The following UBXN4 variants were observed in gnomAD, a reference collection of about 807,000 sequenced individuals.
UBXN4 encodes the protein UBX domain protein 4.
Under a neutral mutation model 66.2 loss-of-function variants are expected in UBXN4, and 35 were observed. The ratio of observed to expected loss-of-function variants is 0.53; its 90% confidence interval spans 0.40 to 0.70. The LOEUF is 0.70. Among genes scored for constraint, UBXN4 ranks in the 30% least tolerant of loss-of-function variants. The pLI, the probability that UBXN4 is intolerant of heterozygous loss-of-function variation, is 0.00. For synonymous variants in UBXN4, 203 were observed against 204.5 expected (o/e 0.99, Z 0.06); for missense variants, 533 against 599.8 (o/e 0.89, Z 1.16).
intron 3 of UBXN4, 25 bp downstream of exon 3, chr2:135,753,592 T>C (rs1575315504): frequency 2.0e-6 from 3 of 1,504,862 alleles, no homozygotes; most frequent in Non-Finnish European, 2.7e-6. Flanking sequence ...AAGAATGGCT[T>C]ATATATATAC....
At chr2:135,779,919 AAAT>A (rs2077439629) in intron 11 of UBXN4, among the ~76,000 whole-genome samples, 1 of 147,482 alleles carries the variant, frequency 6.8e-6, no homozygotes, top group African/African-American at 2.5e-5. Flanking sequence ...ATAATATATA[AAAT>A]AATTGTATAC....
intron 6 of UBXN4, 129 bp downstream of exon 6, chr2:135,762,040 A>G: frequency 4.5e-6 from 4 of 897,574 alleles, no homozygotes; most frequent in Middle Eastern, 3.4e-4. Flanking sequence ...ATTTTTGATC[A>G]CCTAACTAAT....
At chr2:135,767,373 T>A (rs1016446767) in intron 6 of UBXN4, among the ~76,000 whole-genome samples, 1 of 151,272 alleles carries the variant, frequency 6.6e-6, no homozygotes. Context: ...AAAAAAAAAA[T>A]GAAAGAAAGA....
chr2:135,745,776 G>A (rs1359302819), intron 1 of UBXN4, among the ~76,000 whole-genome samples: 2 of 150,050 alleles, frequency 1.3e-5, no homozygotes, highest in Non-Finnish European at 3.0e-5. Context: ...CTTGCAAATA[G>A]TAACTTCTCG....
At chr2:135,765,183 T>C (rs1252702149) in intron 6 of UBXN4, among the ~76,000 whole-genome samples, 1 of 152,052 alleles carries the variant, frequency 6.6e-6, no homozygotes, top group Non-Finnish European at 1.5e-5. Flanking sequence ...TTAGTTAAAA[T>C]GCATTATTTT....
At position 135,780,390 on chromosome 2, in the gene UBXN4, CTG is replaced by C. The variant is rs771557635; in HGVS notation, c.1388+13_1388+14del. The C allele has an allele frequency of 6.8e-6, 11 of 1,612,704 alleles. No homozygotes were observed. The highest frequency in any genetic ancestry group is 8.5e-6 in the Non-Finnish European group (10 of 1,178,718). On this transcript the variant is annotated splice_donor_region_variant and intron_variant, in intron 12 of 12. Coordinates refer to ENST00000272638, the MANE Select transcript of UBXN4 (RefSeq NM_014607.4). Reference sequence around the variant, plus strand: ...ATCTAGCAAATCAGAAAAAAGGTATCTGTGTGTGTTTTCCCCATTTATAAAAT... The same window carrying C: ...ATCTAGCAAATCAGAAAAAAGGTATCTGTGTGTTTTCCCCATTTATAAAAT...
chr2:135,752,442 T>G (rs12469551), intron 2 of UBXN4, among the ~76,000 whole-genome samples: 114,971 of 152,144 alleles, frequency 0.76, 43,867 homozygotes, highest in Non-Finnish European at 0.79. Flanking sequence ...ACCTCCCAAA[T>G]TGCTGGGATT....
chr2:135,757,458 G>A (rs1337233483), intron 5 of UBXN4, among the ~76,000 whole-genome samples: 2 of 152,150 alleles, frequency 1.3e-5, no homozygotes, highest in African/African-American at 2.4e-5. Flanking sequence ...CATTTCAAGT[G>A]TATTTCCCTT....
At chr2:135,779,742 T>TA (rs2077437957) in intron 11 of UBXN4, among the ~76,000 whole-genome samples, 1 of 150,944 alleles carries the variant, frequency 6.6e-6, no homozygotes, top group Non-Finnish European at 1.5e-5. Context: ...AACTACTTTC[T>TA]AGTTTGTATA....
chr2:135,778,873 G>A, intron 10 of UBXN4, 75 bp from the exon 11 acceptor site: 1 of 1,383,058 alleles, frequency 7.2e-7, no homozygotes, highest in South Asian at 1.8e-5. Flanking sequence ...GTTAATTAAA[G>A]CATCATTTTG....
intron 8 of UBXN4, among the ~76,000 whole-genome samples, chr2:135,771,302 C>T (rs185637274): frequency 6.1e-4 from 93 of 152,158 alleles, no homozygotes; most frequent in South Asian, 1.0e-3. Flanking sequence ...CATGGTGAAA[C>T]GCCATCTCTA....
rs1238258590 is a variant in UBXN4 at position 135,762,004 on chromosome 2, A to G, written c.602+93A>G. ...TTGAATTAAAGCTAAAGTTATACAA[A>G]TGAAGTTTTAGAATTCTGAGTTGAA... On this transcript the variant is annotated intron_variant, in intron 6 of 12. Transcript: ENST00000272638. The G allele has an allele frequency of 6.9e-6, 9 of 1,302,898 alleles. No homozygotes were observed. In the South Asian group the frequency reaches 9.8e-5, roughly 14 times the overall value. The allele number at this position is 1,302,898 out of a possible 1,614,324, so 80.7% of individuals were successfully genotyped here.
chr2:135,751,148 C>T (rs1270175504), intron 2 of UBXN4, among the ~76,000 whole-genome samples: 6 of 143,158 alleles, frequency 4.2e-5, no homozygotes, highest in African/African-American at 1.0e-4. Flanking sequence ...CCACTGTGCC[C>T]GGCCGTGTCT....
chr2:135,780,960 C>T (rs959224514), intron 12 of UBXN4, among the ~76,000 whole-genome samples: 2 of 152,244 alleles, frequency 1.3e-5, no homozygotes, highest in Non-Finnish European at 2.9e-5. Context: ...TGCAGTGGCT[C>T]ACGCCTGTAA....
chr2:135,778,910 T>C, intron 10 of UBXN4, 38 bp from the exon 11 acceptor site: 1 of 1,566,594 alleles, frequency 6.4e-7, no homozygotes, highest in Non-Finnish European at 8.6e-7. Context: ...ATCTTACTTT[T>C]AAAGGCACTC....
At position 135,746,154 on chromosome 2, in the gene UBXN4, C is replaced by T. The variant is rs192081870; in HGVS notation, c.83-2113C>T. Among the ~76,000 whole-genome samples the T allele has an allele frequency of 7.9e-5, 12 of 152,078 alleles. No individual in the cohort carries two copies. In the East Asian group the frequency reaches 1.7e-3, roughly 22 times the overall value. ...GCCTCACAAAGTGAGCCACCGTGCCCGACCCCGTTTACTTTTCCATGGTCA... is the reference window on the plus strand; with the variant it reads ...GCCTCACAAAGTGAGCCACCGTGCCTGACCCCGTTTACTTTTCCATGGTCA... On this transcript the variant is annotated intron_variant, in intron 1 of 12. Coordinates refer to ENST00000272638, the MANE Select transcript of UBXN4 (RefSeq NM_014607.4).
At position 135,761,805 on chromosome 2, in the gene UBXN4, T is replaced by C. The variant is rs748274140; in HGVS notation, c.509-13T>C. On this transcript the variant is annotated splice_polypyrimidine_tract_variant and intron_variant, in intron 5 of 12. Transcript: ENST00000272638. Reference sequence around the variant, plus strand: ...AATGCAGTATTCTTATTTCTTTTTATTTAATAATTAAGGAGGAGAAAGTGC... The same window carrying C: ...AATGCAGTATTCTTATTTCTTTTTACTTAATAATTAAGGAGGAGAAAGTGC... The C allele has an allele frequency of 6.3e-6, 10 of 1,584,352 alleles. No homozygotes were observed. The highest frequency in any genetic ancestry group is 6.0e-6 in the Non-Finnish European group (7 of 1,169,162).
chr2:135,762,346 C>T (rs1047355207), intron 6 of UBXN4, among the ~76,000 whole-genome samples: 33 of 152,112 alleles, frequency 2.2e-4, no homozygotes, highest in African/African-American at 7.7e-4. Context: ...AAATTTCTGG[C>T]TCTTTGTAGT....
rs201471386 is a variant in UBXN4 at position 135,761,937 on chromosome 2, A to G, written c.602+26A>G. On this transcript the variant is annotated intron_variant, in intron 6 of 12. Transcript: ENST00000272638. ...GTTTGCTCTTCTTTTTGCAAATAGC[A>G]TTTTGTTTAAAAAGACAGTGGTTTT... The G allele has an allele frequency of 6.3e-4, 998 of 1,590,784 alleles. 3 individuals carry two copies. Among genetic ancestry groups the G allele is most frequent in the African/African-American group, 1.1e-3 (85 of 73,960 alleles).
Sources: gnomAD v4.1 joint callset for allele counts (sites outside exome capture counted in the v4.1 genomes callset) on GRCh38, gnomAD v4.1.1 for gene constraint, MANE v1.5 for transcripts, NCBI Gene and HGNC (gene_info 2026-07-23, HGNC 2026-07-21) for gene names.